The following ATP11B variants were observed in gnomAD, a reference collection of about 807,000 sequenced individuals.
ATP11B encodes phospholipid-transporting ATPase IF.
A neutral mutation model predicts 157.8 loss-of-function variants in ATP11B; 81 were observed. The ratio of observed to expected loss-of-function variants is 0.51; its 90% CI spans 0.43 to 0.62. The LOEUF is 0.62. Ranked by LOEUF, ATP11B falls within the 20% of genes least tolerant of loss-of-function variation. The pLI, the probability that ATP11B is intolerant of heterozygous loss-of-function variation, is 0.00. For synonymous variants in ATP11B, 451 were observed against 469.4 expected (o/e 0.96, Z 0.51); for missense variants, 1,165 against 1,402.2 (o/e 0.83, Z 2.70).
intron 9 of ATP11B, among the ~76,000 whole-genome samples, chr3:182,847,736 G>A (rs1719647687): frequency 6.6e-6 from 1 of 152,114 alleles, no homozygotes; most frequent in African/African-American, 2.4e-5. Flanking sequence ...ACAACTCTAT[G>A]AGGTATTTTT....
At chr3:182,881,484 G>A (rs1380404480) in intron 21 of ATP11B, among the ~76,000 whole-genome samples, 1 of 151,570 alleles carries the variant, frequency 6.6e-6, no homozygotes, top group Non-Finnish European at 1.5e-5. Flanking sequence ...AGAGGTTGCA[G>A]TGAGCCACGA....
rs532292558 is a variant in ATP11B at position 182,861,444 on chromosome 3, A to G, written c.1200+2085A>G. Reference sequence around the variant, plus strand: ...TGTTCATGAATACACAAATGCTTCAATAAATACGGCACTTACCTGGACCTG... The same window carrying G: ...TGTTCATGAATACACAAATGCTTCAGTAAATACGGCACTTACCTGGACCTG... On this transcript the variant is annotated intron_variant, in intron 12 of 29. Coordinates refer to ENST00000323116, the MANE Select transcript of ATP11B (RefSeq NM_014616.3). Among the ~76,000 whole-genome samples the G allele has an allele frequency of 3.9e-5, 6 of 152,330 alleles. No homozygotes were observed. In the South Asian group the frequency reaches 1.0e-3, roughly 26 times the overall value.
At chr3:182,897,184 A>T (rs1394263465) in intron 26 of ATP11B, 119 bp from the exon 27 acceptor site, 11 of 574,784 alleles carry the variant, frequency 1.9e-5, no homozygotes, top group Non-Finnish European at 3.1e-5. Context: ...ATTTTGAGGG[A>T]TTGTATCTGT....
intron 1 of ATP11B, among the ~76,000 whole-genome samples, chr3:182,798,430 A>AT (rs199843882): frequency 2.0e-5 from 3 of 152,182 alleles, no homozygotes; most frequent in Admixed American, 6.5e-5. Flanking sequence ...CTAGGGTGGT[A>AT]TTTTTTTTGT....
intron 28 of ATP11B, among the ~76,000 whole-genome samples, chr3:182,913,279 T>C (rs1724918743): frequency 6.6e-6 from 1 of 152,226 alleles, no homozygotes; most frequent in South Asian, 2.1e-4. Flanking sequence ...AAGATAAGTA[T>C]GGAGTGGATC....
At chr3:182,875,913 TA>T (rs1203315251) in intron 19 of ATP11B, among the ~76,000 whole-genome samples, 3 of 152,206 alleles carry the variant, frequency 2.0e-5, no homozygotes, top group Non-Finnish European at 4.4e-5. Context: ...ACACAGAAAT[TA>T]ATTGCTCAGA....
intron 1 of ATP11B, among the ~76,000 whole-genome samples, chr3:182,806,905 G>C (rs113150961): frequency 6.6e-6 from 1 of 152,054 alleles, no homozygotes; most frequent in Admixed American, 6.5e-5. Context: ...AGGGGGTACT[G>C]CTGATTCTTA....
intron 10 of ATP11B, among the ~76,000 whole-genome samples, chr3:182,854,855 G>A (rs868806754): frequency 2.6e-5 from 4 of 151,648 alleles, no homozygotes; most frequent in East Asian, 3.9e-4. Flanking sequence ...TGGGCAAAAG[G>A]TGGAAGGTAA....
At chr3:182,817,044 G>A (rs532606004) in intron 1 of ATP11B, among the ~76,000 whole-genome samples, 3 of 152,128 alleles carry the variant, frequency 2.0e-5, no homozygotes, top group South Asian at 4.2e-4. Flanking sequence ...AATAACACAC[G>A]TACGTGCCCA....
intron 10 of ATP11B, among the ~76,000 whole-genome samples, chr3:182,855,215 T>C (rs1720295813): frequency 6.6e-6 from 1 of 152,146 alleles, no homozygotes; most frequent in Admixed American, 6.5e-5. Flanking sequence ...CATAGATCAG[T>C]GTTACACAAT....
chr3:182,880,669 TTC>T (rs1048829528), intron 20 of ATP11B, among the ~76,000 whole-genome samples: 4 of 152,168 alleles, frequency 2.6e-5, no homozygotes, highest in East Asian at 1.9e-4. Flanking sequence ...CCAAAGATAA[TTC>T]TCTGTTTTAT....
At chr3:182,795,340 A>G (rs780484606) in intron 1 of ATP11B, among the ~76,000 whole-genome samples, 1 of 152,238 alleles carries the variant, frequency 6.6e-6, no homozygotes, top group Admixed American at 6.5e-5. Flanking sequence ...AGATCATTTT[A>G]AAGTGGTTCT....
rs1025418261 is a variant in ATP11B at position 182,851,410 on chromosome 3, C to T, written c.851+2853C>T. On this transcript the variant is annotated intron_variant, in intron 10 of 29. Transcript: ENST00000323116. ...GCTCACATCTTCAATTAATTTCCTC[C>T]GTTTCTTCTCAATTTGGGTCTAATT... 5.9e-5 allele frequency among the ~76,000 whole-genome samples: 9 copies of T among 152,158 alleles called. 1 individual carries two copies. The highest frequency in any genetic ancestry group is 5.2e-4 in the Admixed American group (8 of 15,288).
chr3:182,886,112 T>G, intron 23 of ATP11B, 102 bp downstream of exon 23: 1 of 698,188 alleles, frequency 1.4e-6, no homozygotes, highest in Non-Finnish European at 2.2e-6. Flanking sequence ...TCATTTTTCT[T>G]AGTCCTGCAG....
chr3:182,849,700 C>T (rs1421348978), intron 10 of ATP11B, among the ~76,000 whole-genome samples: 2 of 151,600 alleles, frequency 1.3e-5, no homozygotes. Context: ...ATTACTCAGT[C>T]GAAGAATGGA....
chr3:182,802,479 CT>C (rs1331569260), intron 1 of ATP11B, among the ~76,000 whole-genome samples: 3 of 152,192 alleles, frequency 2.0e-5, no homozygotes, highest in Non-Finnish European at 4.4e-5. Context: ...TATTCTCTCA[CT>C]CTTTATTCAC....
intron 1 of ATP11B, 66 bp downstream of exon 1, chr3:182,793,852 G>A: frequency 1.8e-6 from 2 of 1,110,720 alleles, no homozygotes; most frequent in Non-Finnish European, 2.3e-6. Context: ...CCGGGGTGGC[G>A]GGGAAAGGCC....
chr3:182,796,848 A>C (rs9870317), intron 1 of ATP11B, among the ~76,000 whole-genome samples: 85,774 of 152,062 alleles, frequency 0.56, 25,699 homozygotes, highest in Non-Finnish European at 0.68. Flanking sequence ...GCCCAGAAAA[A>C]AGTTAGAAAA....
chr3:182,811,895 A>G (rs980282433), intron 1 of ATP11B, among the ~76,000 whole-genome samples: 1 of 152,162 alleles, frequency 6.6e-6, no homozygotes, highest in Non-Finnish European at 1.5e-5. Context: ...GACTGGTACA[A>G]AGTAGTTGGT....
Sources: gnomAD v4.1 joint callset for allele counts (sites outside exome capture counted in the v4.1 genomes callset) on GRCh38, gnomAD v4.1.1 for gene constraint, MANE v1.5 for transcripts, NCBI Gene and HGNC (gene_info 2026-07-23, HGNC 2026-07-21) for gene names.